The following HDAC9 variants were observed in gnomAD, a reference collection of about 807,000 sequenced individuals.
The protein encoded by HDAC9 is MEF-2 interacting transcription repressor (MITR) protein.
Under a neutral mutation model 139.4 loss-of-function variants are expected in HDAC9, and 41 were observed. That is an observed-to-expected ratio of 0.29 (90% CI 0.23 to 0.38). The LOEUF (loss-of-function observed/expected upper bound fraction) is 0.38. Ranked by LOEUF, HDAC9 falls within the 10% of genes least tolerant of loss-of-function variation. The probability of loss-of-function intolerance (pLI) is 1.00; values close to 1 mark genes in which losing one functional copy is unlikely to be tolerated. For synonymous variants in HDAC9, 517 were observed against 476.2 expected, an observed-to-expected ratio of 1.09 and a Z score of -1.12; for missense variants, 1,147 against 1,297.0, an observed-to-expected ratio of 0.88 and a Z score of 1.78.
intron 1 of HDAC9, among the ~76,000 whole-genome samples, chr7:18,379,858 A>G (rs1377008090): frequency 6.6e-6 from 1 of 152,208 alleles, no homozygotes; most frequent in African/African-American, 2.4e-5. Flanking sequence ...TTCCACATAG[A>G]TGCTGCAGAT....
intron 25 of HDAC9, among the ~76,000 whole-genome samples, chr7:18,985,497 C>T (rs1785272423): frequency 6.6e-6 from 1 of 152,108 alleles, no homozygotes; most frequent in Non-Finnish European, 1.5e-5. Context: ...GGTTCCAAGT[C>T]TTTCCTATTG....
Position 18,155,952 on chromosome 7 carries a change from G to A in HDAC9, c.-96-6277G>A, listed in dbSNP as rs528794008. 4.6e-5 allele frequency among the ~76,000 whole-genome samples: 7 copies of A among 152,246 alleles called. No individual in the cohort carries two copies. The East Asian group carries it at 9.7e-4, about 21-fold the overall frequency. On this transcript the variant is annotated intron_variant, in intron 1 of 12. Transcript: ENST00000417496. ...CATTGCTGATGTGGCTCTTGCTTGT[G>A]CCCATCAGCTTCCCAGTCCCCAGAA...
rs189894475 is a variant in HDAC9 at position 18,418,670 on chromosome 7, T to C, written c.-41-77592T>C. On this transcript the variant is annotated intron_variant, in intron 1 of 3. Coordinates refer to the HDAC9 transcript ENST00000413509. ...TTTATTTTTTACTTTGTCATTCTTA[T>C]TAGTGATAAAATTTTATGCTTAATT... Among the ~76,000 whole-genome samples, 27 of 152,268 alleles carry C rather than the reference T, an allele frequency of 1.8e-4. No individual in the cohort carries two copies. The East Asian group carries it at 4.8e-3, about 27-fold the overall frequency.
intron 22 of HDAC9, among the ~76,000 whole-genome samples, chr7:18,893,010 G>C (rs1399575397): frequency 1.9e-5 from 2 of 108,004 alleles, no homozygotes; most frequent in Non-Finnish European, 3.4e-5. Context: ...AGCTTATACA[G>C]TGTTTCAAGT....
intron 1 of HDAC9, among the ~76,000 whole-genome samples, chr7:18,324,306 G>C (rs1585178272): frequency 6.6e-6 from 1 of 152,110 alleles, no homozygotes; most frequent in East Asian, 1.9e-4. Context: ...TGTGATTATA[G>C]AAGAAGCTTT....
chr7:18,579,817 G>C (rs1276569944), intron 2 of HDAC9, among the ~76,000 whole-genome samples: 3 of 150,872 alleles, frequency 2.0e-5, no homozygotes, highest in African/African-American at 7.5e-5. Flanking sequence ...GTATGTGTGT[G>C]TGTGAAAACC....
chr7:18,279,853 T>A (rs550964073), intron 2 of HDAC9, among the ~76,000 whole-genome samples: 6 of 152,312 alleles, frequency 3.9e-5, no homozygotes, highest in African/African-American at 1.4e-4. Context: ...GACCAAATAT[T>A]ATTTCTTGCA....
intron 22 of HDAC9, among the ~76,000 whole-genome samples, chr7:18,907,403 T>C (rs1202639102): frequency 6.6e-6 from 1 of 152,242 alleles, no homozygotes; most frequent in Non-Finnish European, 1.5e-5. Flanking sequence ...GATGAAGTTT[T>C]GTTTACAATG....
chr7:18,876,485 A>G (rs923923746), intron 22 of HDAC9, among the ~76,000 whole-genome samples: 3 of 152,230 alleles, frequency 2.0e-5, no homozygotes. Flanking sequence ...GGAAAAATAT[A>G]TACAATGAGA....
intron 12 of HDAC9, among the ~76,000 whole-genome samples, chr7:18,720,624 T>C (rs1478844911): frequency 1.5e-4 from 22 of 148,468 alleles, no homozygotes; most frequent in South Asian, 1.5e-3. Flanking sequence ...TACTTTACCT[T>C]AGTAAAAAAA....
In HDAC9 at chr7:18,702,329, A is replaced by G. The variant is rs558349061; in HGVS notation, c.1732-25251A>G. On this transcript the variant is annotated intron_variant, in intron 12 of 25. Coordinates refer to ENST00000686413, the MANE Select transcript of HDAC9 (RefSeq NM_178425.4). ...AAAGGCACTTGGGGGCCGTAAGGAG[A>G]ACTTAAGGCACAAAAGCCAAAACCT... Among the ~76,000 whole-genome samples the G allele has an allele frequency of 9.9e-5, 15 of 152,214 alleles. No individual in the cohort carries two copies. The South Asian group carries it at 2.3e-3, about 23-fold the overall frequency.
At chr7:18,233,288 C>T (rs1793591802) in intron 2 of HDAC9, among the ~76,000 whole-genome samples, 1 of 151,892 alleles carries the variant, frequency 6.6e-6, no homozygotes, top group African/African-American at 2.4e-5. Context: ...TTGTTTTACA[C>T]CTTTACTCAT....
In HDAC9 at chr7:18,706,429, A is replaced by T. The variant is rs368530254; in HGVS notation, c.1732-21151A>T. Among the ~76,000 whole-genome samples the T allele has an allele frequency of 3.2e-4, 48 of 152,180 alleles. 1 individual carries two copies. The highest frequency in any genetic ancestry group is 9.9e-4 in the African/African-American group (41 of 41,436). ...TAAAATTGAATGCTTTCATAAAACAACAAGCTGTTCCCACTAATTTTAACT... is the reference window on the plus strand; with the variant it reads ...TAAAATTGAATGCTTTCATAAAACATCAAGCTGTTCCCACTAATTTTAACT... On this transcript the variant is annotated intron_variant, in intron 12 of 25. Transcript: ENST00000686413.
intron 13 of HDAC9, among the ~76,000 whole-genome samples, chr7:18,732,663 A>G (rs1191282941): frequency 3.6e-5 from 5 of 139,278 alleles, no homozygotes; most frequent in South Asian, 4.5e-4. Context: ...ATACACACAC[A>G]CGTGTATATG....
Position 18,828,575 on chromosome 7 carries a change from G to A in HDAC9, c.2323-586G>A, listed in dbSNP as rs62448070. ...ATCCAATAAAGTTGCAAGTCTTGGC[G>A]GTCATCCAAGCTAAATTTATAGACT... On this transcript the variant is annotated intron_variant, in intron 17 of 25. Coordinates refer to ENST00000686413, the MANE Select transcript of HDAC9 (RefSeq NM_178425.4). Among the ~76,000 whole-genome samples, 319 of 152,182 alleles carry A rather than the reference G, an allele frequency of 2.1e-3. 2 individuals are homozygous for A. Among genetic ancestry groups the A allele is most frequent in the Non-Finnish European group, 3.6e-3 (243 of 68,002 alleles).
intron 1 of HDAC9, among the ~76,000 whole-genome samples, chr7:18,315,344 T>G (rs2128629607): frequency 6.6e-6 from 1 of 152,262 alleles, no homozygotes; most frequent in Middle Eastern, 3.4e-3. Context: ...CCCTTTAGAA[T>G]ATATAAAGGA....
In HDAC9 at chr7:18,998,162, T is replaced by C. The variant is rs879290563; in HGVS notation, c.*2100T>C. 34 of 152,204 alleles carry C rather than the reference T, an allele frequency of 2.2e-4. No homozygotes were observed. Among genetic ancestry groups the C allele is most frequent in the Non-Finnish European group, 4.1e-4 (28 of 68,018 alleles). 9.4% of individuals were successfully genotyped at this position (152,204 alleles called of 1,614,324 possible). A position where few individuals can be genotyped will look rare whatever the true frequency, so the allele number is the denominator to read the frequency against. On this transcript the variant is annotated 3_prime_UTR_variant, in exon 26 of 26. Coordinates refer to ENST00000686413, the MANE Select transcript of HDAC9 (RefSeq NM_178425.4). ...ACTCATGTTTTAATTAGAAAAATAA[T>C]TGTGTAGTTTTAAAATCAACTTCAT...
At chr7:18,088,215 G>A (rs1357663374) in intron 1 of HDAC9, among the ~76,000 whole-genome samples, 2 of 152,196 alleles carry the variant, frequency 1.3e-5, no homozygotes, top group Non-Finnish European at 2.9e-5. Flanking sequence ...GTGTATGTGT[G>A]TGTGTAAAAT....
At chr7:18,445,255 C>A (rs1468565741) in intron 1 of HDAC9, among the ~76,000 whole-genome samples, 1 of 152,170 alleles carries the variant, frequency 6.6e-6, no homozygotes, top group African/African-American at 2.4e-5. Context: ...ATTAGCTCAA[C>A]TCAAAACTTC....
Sources: allele counts gnomAD v4.1 joint callset (sites outside exome capture counted in the v4.1 genomes callset), GRCh38; gene constraint gnomAD v4.1.1; transcripts MANE v1.5; gene names NCBI Gene and HGNC (gene_info 2026-07-23, HGNC 2026-07-21).